The following SGIP1 variants were observed in gnomAD, a reference collection of about 807,000 sequenced individuals.
The protein encoded by SGIP1 is SH3GL interacting endocytic adaptor 1.
A neutral mutation model predicts 107.5 loss-of-function variants in SGIP1; 38 were observed. The observed-to-expected ratio is 0.35, with a 90% CI of 0.27 to 0.46. The LOEUF (loss-of-function observed/expected upper bound fraction) is 0.46. Among genes scored for constraint, SGIP1 ranks in the 20% least tolerant of loss-of-function variants. The pLI, the probability that SGIP1 is intolerant of heterozygous loss-of-function variation, is 1.00. For synonymous variants in SGIP1, 365 were observed against 366.1 expected (o/e 1.00, Z 0.03); for missense variants, 929 against 1,019.5 (o/e 0.91, Z 1.21).
chr1:66,566,188 G>C (rs1205039797), intron 1 of SGIP1, among the ~76,000 whole-genome samples: 3 of 151,900 alleles, frequency 2.0e-5, no homozygotes, highest in Non-Finnish European at 2.9e-5. Context: ...GGTTTCCCTA[G>C]CGGTAAACAA....
At chr1:66,631,118 T>C (rs1436152338) in intron 2 of SGIP1, among the ~76,000 whole-genome samples, 1 of 150,526 alleles carries the variant, frequency 6.6e-6, no homozygotes, top group Non-Finnish European at 1.5e-5. Flanking sequence ...AAAGACTGAC[T>C]CAGTATATAG....
rs895791612 is a variant in SGIP1 at position 66,643,781 on chromosome 1, A to G, written c.459+62A>G. On this transcript the variant is annotated intron_variant, in intron 7 of 24. Transcript: ENST00000371037. ...GATTGAACAGGGCTATGTTCTGCCT[A>G]TATGCATTAAGTCAATCAGAAACTC... 4.9e-6 allele frequency: 7 copies of G among 1,440,482 alleles called. No homozygotes were observed. In the East Asian group the frequency reaches 1.8e-4, roughly 37 times the overall value. 89.2% of individuals were successfully genotyped at this position (1,440,482 alleles called of 1,614,324 possible).
At chr1:66,705,390 A>G (rs773148779) in intron 18 of SGIP1, among the ~76,000 whole-genome samples, 2 of 152,238 alleles carry the variant, frequency 1.3e-5, no homozygotes, top group Non-Finnish European at 2.9e-5. Flanking sequence ...CTGAGAAAAC[A>G]TAAGAGGTTT....
chr1:66,588,662 A>G (rs1006462096), intron 1 of SGIP1, among the ~76,000 whole-genome samples: 1 of 51,952 alleles, frequency 1.9e-5, no homozygotes, highest in Non-Finnish European at 4.0e-5. Flanking sequence ...TTTTTTTTGC[A>G]TTTTTAAAAA....
chr1:66,643,946 A>G (rs2077204706), intron 7 of SGIP1: 3 of 310,568 alleles, frequency 9.7e-6, no homozygotes, highest in Non-Finnish European at 1.7e-5. Context: ...ATGGAACCAC[A>G]TTTTCTTTTG....
chr1:66,561,800 TC>T (rs1334529339), intron 1 of SGIP1, among the ~76,000 whole-genome samples: 1 of 152,034 alleles, frequency 6.6e-6, no homozygotes, highest in South Asian at 2.1e-4. Flanking sequence ...GGCCTTTTAT[TC>T]AAATGGAATA....
intron 5 of SGIP1, among the ~76,000 whole-genome samples, chr1:66,640,616 G>A (rs1191682840): frequency 1.3e-5 from 2 of 152,126 alleles, no homozygotes; most frequent in Non-Finnish European, 2.9e-5. Flanking sequence ...GGCTGAGAGG[G>A]GATCAATGGA....
intron 14 of SGIP1, among the ~76,000 whole-genome samples, chr1:66,680,595 TAGAG>T (rs1341233151): frequency 1.3e-5 from 2 of 152,306 alleles, no homozygotes; most frequent in East Asian, 3.9e-4. Flanking sequence ...TCAAACCCAA[TAGAG>T]AGTCATCCAG....
chr1:66,682,729 C>T (rs2087048523), intron 15 of SGIP1, among the ~76,000 whole-genome samples: 1 of 151,892 alleles, frequency 6.6e-6, no homozygotes. Context: ...TGTCTGATTT[C>T]CTTGTCGGAT....
At position 66,750,042 on chromosome 1, in the gene SGIP1, T is replaced by TGG. The variant is rs55727348; in HGVS notation, c.*6948_*6949insGG. ...TTCTCTGTGTGTGTGTGGGGGTGTG[T>TGG]GTGTGTGTGTGTGTGTGTGTGTGTG... On this transcript the variant is annotated 3_prime_UTR_variant, in exon 25 of 25. Transcript: ENST00000371037. 2.2e-5 allele frequency among the ~76,000 whole-genome samples: 3 copies of TGG among 134,462 alleles called. No homozygotes were observed. The highest frequency in any genetic ancestry group is 4.8e-5 in the Non-Finnish European group (3 of 61,944). 88.2% of individuals were successfully genotyped at this position (134,462 alleles called of 152,430 possible). A position where few individuals can be genotyped will look rare whatever the true frequency, so the allele number is the denominator to read the frequency against.
intron 7 of SGIP1, among the ~76,000 whole-genome samples, chr1:66,653,596 T>A (rs1002256854): frequency 6.6e-6 from 1 of 152,190 alleles, no homozygotes; most frequent in Non-Finnish European, 1.5e-5. Context: ...TTGAGGGTTC[T>A]GGAAACATGA....
At chr1:66,728,820 G>A (rs1051312621) in intron 19 of SGIP1, among the ~76,000 whole-genome samples, 2 of 152,166 alleles carry the variant, frequency 1.3e-5, no homozygotes, top group African/African-American at 4.8e-5. Flanking sequence ...GGATGGAACT[G>A]GAGGCCATTA....
chr1:66,576,036 T>A (rs184202806), intron 1 of SGIP1, among the ~76,000 whole-genome samples: 1 of 152,188 alleles, frequency 6.6e-6, no homozygotes, highest in Non-Finnish European at 1.5e-5. Context: ...AGATCCAAAG[T>A]GAGCCAATAT....
At position 66,750,431 on chromosome 1, in the gene SGIP1, G is replaced by C. The variant is rs2094609004; in HGVS notation, c.*7336G>C. Among the ~76,000 whole-genome samples, 1 of 152,150 alleles carries C rather than the reference G, an allele frequency of 6.6e-6. No individual in the cohort carries two copies. The highest frequency in any genetic ancestry group is 2.4e-5 in the African/African-American group (1 of 41,456). ...GTGTTTCTATAGGTAATGAAATCCT[G>C]TCAATTAAGGAAAATGCTGTGTGTA... On this transcript the variant is annotated 3_prime_UTR_variant, in exon 25 of 25. Coordinates refer to ENST00000371037, the MANE Select transcript of SGIP1 (RefSeq NM_032291.4).
intron 1 of SGIP1, among the ~76,000 whole-genome samples, chr1:66,555,238 C>T (rs892197261): frequency 1.1e-4 from 17 of 152,094 alleles, no homozygotes; most frequent in African/African-American, 4.1e-4. Context: ...ATAGTGCTCA[C>T]TTCTTGCTCA....
intron 1 of SGIP1, among the ~76,000 whole-genome samples, chr1:66,606,096 G>C (rs1232807558): frequency 6.6e-6 from 1 of 152,038 alleles, no homozygotes; most frequent in African/African-American, 2.4e-5. Context: ...TTAAAAATAG[G>C]CATTATGTAG....
intron 1 of SGIP1, among the ~76,000 whole-genome samples, chr1:66,583,073 T>C (rs2062038982): frequency 6.6e-6 from 1 of 152,122 alleles, no homozygotes; most frequent in South Asian, 2.1e-4. Context: ...TTGATAAATA[T>C]CTGAATTACA....
At chr1:66,690,489 T>C (rs760808994) in intron 17 of SGIP1, 173 bp downstream of exon 17, 1 of 796,278 alleles carries the variant, frequency 1.3e-6, no homozygotes, top group Non-Finnish European at 2.0e-6. Flanking sequence ...GGCAAAGTGC[T>C]TTACCTAAGC....
At chr1:66,652,604 T>C (rs1486975266) in intron 7 of SGIP1, among the ~76,000 whole-genome samples, 3 of 152,152 alleles carry the variant, frequency 2.0e-5, no homozygotes, top group African/African-American at 7.2e-5. Flanking sequence ...CTGGTGTTGT[T>C]TGCCTGTTCC....
Sources: gnomAD v4.1 joint callset for allele counts (sites outside exome capture counted in the v4.1 genomes callset) on GRCh38, gnomAD v4.1.1 for gene constraint, MANE v1.5 for transcripts, NCBI Gene and HGNC (gene_info 2026-07-23, HGNC 2026-07-21) for gene names.